KDM4A: variants seen among roughly 807,000 people sequenced by gnomAD.
The protein encoded by KDM4A is lysine demethylase 4A, also known as lysine-specific demethylase 4A.
Under a neutral mutation model 127.1 loss-of-function variants are expected in KDM4A, and 23 were observed. That is an observed-to-expected ratio of 0.18 (90% CI 0.13 to 0.26). KDM4A has a LOEUF of 0.26. Among genes scored for constraint, KDM4A ranks in the 10% least tolerant of loss-of-function variants. The pLI, the probability that KDM4A is intolerant of heterozygous loss-of-function variation, is 1.00. For synonymous variants in KDM4A, 443 were observed against 466.5 expected (o/e 0.95, Z 0.65); for missense variants, 890 against 1,329.1 (o/e 0.67, Z 5.14).
At chr1:43,665,087 C>T (rs149932537) in intron 5 of KDM4A, among the ~76,000 whole-genome samples, 31 of 152,168 alleles carry the variant, frequency 2.0e-4, no homozygotes, top group African/African-American at 7.2e-4. Context: ...CCTAGGTGTT[C>T]TTTTTTACTT....
rs1228700732 is a variant in KDM4A at position 43,692,257 on chromosome 1, A to G, written c.2321A>G (p.Asp774Gly). 8 of 1,613,984 alleles carry G rather than the reference A, an allele frequency of 5.0e-6. No homozygotes were observed. The highest frequency in any genetic ancestry group is 1.7e-5 in the Admixed American group (1 of 60,010). ...SRCSANALEE[D>G]CCLCSLRGGA... ...TTCCTCCCTCTCCTTTCTTGGCAGG[A>G]CTGCTGTTTATGCTCATTACGAGGA... The change falls in exon 16 of 22, where the codon GAC (aspartate) becomes GGC (glycine). Residue 774 changes from aspartate to glycine, a missense_variant and splice_region_variant. Asp to Gly is a moderately conservative substitution (Grantham distance 94). This residue lies in a region of KDM4A where 246 missense variants were observed against 418.4 expected (regional missense o/e 0.59). Coordinates refer to ENST00000372396, the MANE Select transcript of KDM4A (RefSeq NM_014663.3).
At position 43,671,620 on chromosome 1, in the gene KDM4A, G is replaced by A. The variant is rs35317523; in HGVS notation, c.1479G>A (p.Ala493=). The part of the protein sequence containing the change: ...AAALDLSVNP[A]SVGGRLVFSG... ...CCTTGGATCTTTCTGTGAATCCTGC[G>A]TCTGTAGGGGGACGCCTTGTCTTCT... is the stretch of plus-strand genomic sequence containing the variant. The change falls in exon 11 of 22, where the codon GCG becomes GCA. Residue 493 remains alanine (A), a synonymous_variant. Transcript: ENST00000372396. The A allele has an allele frequency of 2.3e-3, 3,748 of 1,613,554 alleles. 76 individuals carry two copies. In the African/African-American group the frequency reaches 0.042, roughly 18 times the overall value.
rs1415419387 is a variant in KDM4A at position 43,688,463 on chromosome 1, CCT to C, written c.1856-450_1856-449del. ...TACAACTTTTAAGCTTTGCCAATTC[CCT>C]GTTATTTTCCTTCCTTGTTTAGTTG... On this transcript the variant is annotated intron_variant, in intron 12 of 21. Coordinates refer to ENST00000372396, the MANE Select transcript of KDM4A (RefSeq NM_014663.3). This position sits in a 1 kb window ranked among gnomAD's most constrained non-coding sequence, Gnocchi z 4.4. Among the ~76,000 whole-genome samples, 3 of 152,190 alleles carry C rather than the reference CCT, an allele frequency of 2.0e-5. No homozygotes were observed. Among genetic ancestry groups the C allele is most frequent in the Admixed American group, 2.0e-4 (3 of 15,286 alleles).
intron 10 of KDM4A, 134 bp from the exon 11 acceptor site, chr1:43,671,371 C>A: frequency 1.1e-6 from 1 of 924,656 alleles, no homozygotes; most frequent in Non-Finnish European, 1.6e-6. Context: ...CACAGTGCCC[C>A]TCAGTGACAG....
intron 4 of KDM4A, among the ~76,000 whole-genome samples, chr1:43,661,747 AG>A (rs1660386861): frequency 6.6e-6 from 1 of 152,062 alleles, no homozygotes; most frequent in Non-Finnish European, 1.5e-5. Flanking sequence ...GAGCTACAAA[AG>A]TCAGGCATAA....
rs748291289 is a variant in KDM4A, at chr1:43,660,334, C to T, written c.351C>T (p.Leu117=). Residue 117 remains leucine (L), a synonymous_variant, in exon 4 of 22, where the codon CTC becomes CTT. Transcript: ENST00000372396. ...CACGCTATAGTGAGTTTGAAGAGCTCGAGCGGAAATACTGGAAAAATCTTA... is the reference window on the plus strand; with the variant it reads ...CACGCTATAGTGAGTTTGAAGAGCTTGAGCGGAAATACTGGAAAAATCTTA... The part of the protein sequence containing the change: ...CTPRYSEFEE[L]ERKYWKNLTF... The T allele has an allele frequency of 8.7e-6, 14 of 1,613,972 alleles. No homozygotes were observed. The highest frequency in any genetic ancestry group is 3.3e-5 in the Admixed American group (2 of 60,002).
At chr1:43,658,146 T>G (rs1660291189) in intron 3 of KDM4A, among the ~76,000 whole-genome samples, 1 of 151,028 alleles carries the variant, frequency 6.6e-6, no homozygotes, top group South Asian at 2.1e-4. Flanking sequence ...TCTCACTCAC[T>G]GCAATCTCTG....
At position 43,704,413 on chromosome 1, in the gene KDM4A, G is replaced by A. The variant is rs757705867; in HGVS notation, c.*43G>A. ...GGGATTCTCAGCCATCCAGGCAAGA[G>A]CACTCTGGGTTCCACAGCACAGCAG... On this transcript the variant is annotated 3_prime_UTR_variant, in exon 22 of 22. Transcript: ENST00000372396. The A allele has an allele frequency of 2.5e-6, 4 of 1,589,932 alleles. No homozygotes were observed. The highest frequency in any genetic ancestry group is 2.7e-5 in the African/African-American group (2 of 73,776).
At chr1:43,703,888 A>C in intron 20 of KDM4A, 132 bp from the exon 21 acceptor site, 1 of 1,308,642 alleles carries the variant, frequency 7.6e-7, no homozygotes, top group Admixed American at 1.9e-5. Flanking sequence ...AGTCTGCCAA[A>C]TGTGAAGTAA....
At chr1:43,674,891 T>C (rs1348137692) in intron 11 of KDM4A, among the ~76,000 whole-genome samples, 1 of 152,082 alleles carries the variant, frequency 6.6e-6, no homozygotes, top group East Asian at 1.9e-4. Flanking sequence ...GTGGTGTGGA[T>C]GTAGGCCAGA....
chr1:43,702,376 T>C (rs990039115), intron 19 of KDM4A: 34 of 152,202 alleles, frequency 2.2e-4, no homozygotes, highest in Admixed American at 1.9e-3. Flanking sequence ...TGATACAAAA[T>C]GTATTTACTG....
Position 43,692,241 on chromosome 1 carries a change from C to G in KDM4A, c.2320-15C>G. 1 of 1,613,890 alleles carries G rather than the reference C, an allele frequency of 6.2e-7. No individual in the cohort carries two copies. Among genetic ancestry groups the G allele is most frequent in the African/African-American group, 1.3e-5 (1 of 75,042 alleles). On this transcript the variant is annotated splice_polypyrimidine_tract_variant and intron_variant, in intron 15 of 21. Transcript: ENST00000372396. Reference sequence around the variant, plus strand: ...TGGTATTAACCACTTTTTCCTCCCTCTCCTTTCTTGGCAGGACTGCTGTTT... The same window carrying G: ...TGGTATTAACCACTTTTTCCTCCCTGTCCTTTCTTGGCAGGACTGCTGTTT...
intron 13 of KDM4A, among the ~76,000 whole-genome samples, chr1:43,689,323 C>T (rs1437749093): frequency 6.6e-6 from 1 of 152,194 alleles, no homozygotes; most frequent in Non-Finnish European, 1.5e-5. Flanking sequence ...GGCTTAGGCT[C>T]CCCTTTGCAC....
At chr1:43,660,095 C>T (rs375243645) in intron 3 of KDM4A, among the ~76,000 whole-genome samples, 43 of 152,290 alleles carry the variant, frequency 2.8e-4, no homozygotes, top group African/African-American at 8.7e-4. Context: ...TGTACATTAC[C>T]TTCCTCAGGC....
At chr1:43,652,523 A>T (rs939380382) in intron 1 of KDM4A, among the ~76,000 whole-genome samples, 3 of 151,882 alleles carry the variant, frequency 2.0e-5, no homozygotes, top group Admixed American at 6.6e-5. Context: ...ATTTAAAAAA[A>T]ATTTTTTTTG....
chr1:43,661,186 G>C (rs1660367632), intron 4 of KDM4A, among the ~76,000 whole-genome samples: 1 of 151,858 alleles, frequency 6.6e-6, no homozygotes, highest in Admixed American at 6.6e-5. Context: ...TGTTGCTCAG[G>C]CTGGTTTTAA....
At chr1:43,671,942 C>T (rs1660629263) in intron 11 of KDM4A, 67 bp downstream of exon 11, 1 of 1,489,006 alleles carries the variant, frequency 6.7e-7, no homozygotes, top group Non-Finnish European at 8.9e-7. Context: ...GGGAGGGGAT[C>T]TGTGTGGGGG....
intron 2 of KDM4A, 134 bp downstream of exon 2, chr1:43,653,447 T>C (rs1660166130): frequency 1.3e-6 from 1 of 771,100 alleles, no homozygotes; most frequent in African/African-American, 1.8e-5. Flanking sequence ...GCGGTTCTAT[T>C]TGCAAGTTAA....
At chr1:43,699,091 A>ATTTTTT (rs61194980) in intron 19 of KDM4A, among the ~76,000 whole-genome samples, 1 of 126,420 alleles carries the variant, frequency 7.9e-6, no homozygotes, top group Non-Finnish European at 1.7e-5. Context: ...GCCTGGCCTT[A>ATTTTTT]TTTTTTTTTT....
Sources: gnomAD v4.1 joint callset for allele counts (sites outside exome capture counted in the v4.1 genomes callset) on GRCh38, gnomAD v4.1.1 for gene constraint, gnomAD v4.1.1 regional missense constraint, Gnocchi (gnomAD v3.1) non-coding constraint, MANE v1.5 for transcripts, NCBI Gene and HGNC (gene_info 2026-07-23, HGNC 2026-07-21) for gene names.